The following HDX variants were observed in gnomAD, a reference collection of about 807,000 sequenced individuals.
The protein encoded by HDX is highly divergent homeobox, also known as chromosome X open reading frame 43.
In HDX, 19 loss-of-function variants were observed where a neutral mutation model predicts 45.2. That is an observed-to-expected ratio of 0.42 (90% CI 0.29 to 0.62). The LOEUF is 0.62. HDX is among the 20% of genes least tolerant of loss of function. The pLI is 0.20. For synonymous variants in HDX, 188 were observed against 172.8 expected (o/e 1.09, Z -0.69); for missense variants, 532 against 493.9 (o/e 1.08, Z -0.73).
chrX:84,339,225 A>G (rs983584180), intron 7 of HDX, among the ~76,000 whole-genome samples: 6 of 111,599 alleles, frequency 5.4e-5, no homozygotes, highest in Non-Finnish European at 7.6e-5. Flanking sequence ...TCATAGACAG[A>G]GGAGCCTTTA....
intron 5 of HDX, among the ~76,000 whole-genome samples, chrX:84,374,790 C>T (rs2038000001): frequency 9.6e-6 from 1 of 103,638 alleles, no homozygotes; most frequent in Non-Finnish European, 2.0e-5. Flanking sequence ...CCATAAAAAC[C>T]CTAGAAGAAA....
intron 5 of HDX, among the ~76,000 whole-genome samples, chrX:84,393,566 T>C (rs1383137093): frequency 4.5e-5 from 5 of 111,665 alleles, no homozygotes; most frequent in Non-Finnish European, 9.4e-5. Context: ...TTCATTCTTC[T>C]TCAATTTCTT....
chrX:84,389,353 A>T (rs1306437111), intron 5 of HDX, among the ~76,000 whole-genome samples: 1 of 111,552 alleles, frequency 9.0e-6, no homozygotes, highest in Non-Finnish European at 1.9e-5. Context: ...CCCTTTCTGG[A>T]CCAGCCTGGC....
intron 5 of HDX, among the ~76,000 whole-genome samples, chrX:84,379,524 T>G (rs1233282677): frequency 9.0e-6 from 1 of 111,214 alleles, no homozygotes; most frequent in Non-Finnish European, 1.9e-5. Flanking sequence ...TGAAATAATA[T>G]CAAGCATCAT....
chrX:84,330,738 C>G (rs2036826100), intron 9 of HDX, among the ~76,000 whole-genome samples: 2 of 111,916 alleles, frequency 1.8e-5, no homozygotes, highest in Admixed American at 9.6e-5. Flanking sequence ...ACTTCTAATT[C>G]TTCATGCAAA....
At chrX:84,427,360 T>A (rs2039407694) in intron 5 of HDX, among the ~76,000 whole-genome samples, 1 of 111,224 alleles carries the variant, frequency 9.0e-6, no homozygotes, top group African/African-American at 3.2e-5. Flanking sequence ...TACAATTAGA[T>A]GTTTTGATAT....
chrX:84,411,959 G>A (rs953525893), intron 5 of HDX, among the ~76,000 whole-genome samples: 2 of 110,814 alleles, frequency 1.8e-5, no homozygotes, highest in Non-Finnish European at 3.8e-5. Context: ...TATAAATTTT[G>A]TTTTGTCTGA....
At chrX:84,425,128 C>A (rs2039355499) in intron 5 of HDX, among the ~76,000 whole-genome samples, 1 of 111,107 alleles carries the variant, frequency 9.0e-6, no homozygotes, top group Admixed American at 9.6e-5. Flanking sequence ...GAAAAAAAAT[C>A]TAATAATCTG....
At chrX:84,396,793 G>A (rs2078843680) in intron 5 of HDX, among the ~76,000 whole-genome samples, 1 of 111,010 alleles carries the variant, frequency 9.0e-6, no homozygotes, top group Admixed American at 9.6e-5. Context: ...AGTGCTCAAG[G>A]AGACAGGCTG....
intron 5 of HDX, among the ~76,000 whole-genome samples, chrX:84,399,250 C>CG (rs1394388610): frequency 9.5e-6 from 1 of 105,754 alleles, no homozygotes; most frequent in African/African-American, 3.5e-5. Flanking sequence ...AGACACAAAC[C>CG]CCCCCCCAAA....
At chrX:84,416,713 A>G (rs1487482913) in intron 5 of HDX, among the ~76,000 whole-genome samples, 1 of 111,741 alleles carries the variant, frequency 8.9e-6, no homozygotes, top group Non-Finnish European at 1.9e-5. Flanking sequence ...GCAACAATTA[A>G]AAAGTAAAAA....
At chrX:84,401,259 A>G (rs2038698631) in intron 5 of HDX, among the ~76,000 whole-genome samples, 1 of 112,307 alleles carries the variant, frequency 8.9e-6, no homozygotes, top group African/African-American at 3.2e-5. Context: ...CATCAGAGTG[A>G]ACAGGCAACC....
At chrX:84,439,271 G>T (rs1031212110) in intron 5 of HDX, among the ~76,000 whole-genome samples, 6 of 110,836 alleles carry the variant, frequency 5.4e-5, no homozygotes, top group African/African-American at 2.0e-4. Flanking sequence ...TTGTTGATTT[G>T]TTTAAGTTCC....
chrX:84,468,335 G>A, intron 4 of HDX, 137 bp downstream of exon 4: 2 of 383,221 alleles, frequency 5.2e-6, no homozygotes, highest in Non-Finnish European at 8.9e-6. Flanking sequence ...GATTCTTCAA[G>A]GAGTTAACCC....
chrX:84,390,738 C>CA (rs1323273865), intron 5 of HDX, among the ~76,000 whole-genome samples: 6 of 111,853 alleles, frequency 5.4e-5, no homozygotes, highest in African/African-American at 1.3e-4. Context: ...AAATTGTTAG[C>CA]AAAAAAACAA....
At chrX:84,499,283 A>G (rs969282366) in intron 1 of HDX, among the ~76,000 whole-genome samples, 2 of 111,670 alleles carry the variant, frequency 1.8e-5, no homozygotes, top group African/African-American at 6.5e-5. Flanking sequence ...CTTAAATGAG[A>G]AAACCCAATG....
chrX:84,385,908 G>A (rs751953396), intron 5 of HDX, among the ~76,000 whole-genome samples: 100 of 100,277 alleles, frequency 1.0e-3, no homozygotes, highest in Non-Finnish European at 1.8e-3. Flanking sequence ...AGGAGTGGTG[G>A]TTGTGGGCAT....
chrX:84,321,466 G>C lies in HDX; in HGVS notation c.*423C>G, dbSNP rs2036596645. 1 of 110,775 alleles carries C rather than the reference G, an allele frequency of 9.0e-6. No individual in the cohort carries two copies. The highest frequency in any genetic ancestry group is 3.3e-5 in the African/African-American group (1 of 30,591). The allele number at this position is 110,775 out of a possible 1,213,427, so 9.1% of individuals were successfully genotyped here. A position where few individuals can be genotyped will look rare whatever the true frequency, so the allele number is the denominator to read the frequency against. Reference sequence around the variant, plus strand: ...TTAAATGTTCAGTCCACTTTCCTGAGAAAAAGTGTAAGTGGATGATAGGAA... The same window carrying C: ...TTAAATGTTCAGTCCACTTTCCTGACAAAAAGTGTAAGTGGATGATAGGAA... On this transcript the variant is annotated 3_prime_UTR_variant, in exon 11 of 11. Coordinates refer to ENST00000373177, the MANE Select transcript of HDX (RefSeq NM_001177479.2).
At chrX:84,490,100 T>A (rs998284232) in intron 1 of HDX, among the ~76,000 whole-genome samples, 1 of 112,195 alleles carries the variant, frequency 8.9e-6, no homozygotes. Context: ...GTGAGTATAC[T>A]GTTTAATGTC....
Sources: gnomAD v4.1 joint callset for allele counts (sites outside exome capture counted in the v4.1 genomes callset) on GRCh38, gnomAD v4.1.1 for gene constraint, MANE v1.5 for transcripts, NCBI Gene and HGNC (gene_info 2026-07-23, HGNC 2026-07-21) for gene names.